Variants in ABI3BP observed in about 807,000 individuals in gnomAD.
ABI3BP encodes the protein ABI family member 3 binding protein.
In ABI3BP, 216 loss-of-function variants were observed where a neutral mutation model predicts 268.6. The observed-to-expected ratio is 0.80, with a 90% CI of 0.72 to 0.90. The LOEUF (loss-of-function observed/expected upper bound fraction) is 0.90, where lower values mean the gene tolerates loss of function less well. Among genes scored for constraint, ABI3BP ranks in the 40% least tolerant of loss-of-function variants. The probability of loss-of-function intolerance (pLI) is 0.00; values close to 1 mark genes in which losing one functional copy is unlikely to be tolerated. For missense variants in ABI3BP, 2,090 were observed against 2,182.4 expected (o/e 0.96, Z 0.84); for synonymous variants, 730 against 730.0 (o/e 1.00, Z 0.00).
intron 3 of ABI3BP, 145 bp downstream of exon 3, chr3:100,902,473 A>C (rs932153089): frequency 1.2e-5 from 8 of 648,656 alleles, no homozygotes; most frequent in Non-Finnish European, 2.1e-5. Context: ...ACTTCTCCAA[A>C]AGGGTAAACT....
At chr3:100,866,800 G>GA (rs1218728039) in intron 10 of ABI3BP, 79 bp downstream of exon 10, 9 of 1,217,598 alleles carry the variant, frequency 7.4e-6, no homozygotes, top group Non-Finnish European at 8.3e-6. Context: ...GCTCTTTACT[G>GA]AAAAAAAGAC....
chr3:100,857,316 GA>G (rs2098951010), intron 14 of ABI3BP, among the ~76,000 whole-genome samples: 1 of 152,162 alleles, frequency 6.6e-6, no homozygotes, highest in Non-Finnish European at 1.5e-5. Context: ...TTAAGGAAAT[GA>G]AAACAAGGCA....
rs1348684022 is a variant in ABI3BP, at chr3:100,789,551, A to G, written c.4025-35T>C. The G allele has an allele frequency of 3.8e-6, 6 of 1,559,026 alleles. No individual in the cohort carries two copies. In the South Asian group the frequency reaches 7.1e-5, roughly 18 times the overall value. On this transcript the variant is annotated intron_variant, in intron 55 of 67. Transcript: ENST00000471714. Reference sequence around the variant, plus strand: ...AGGAACACTTTATATTTAATAACCAACAGACCAAAGCCTCCTGAATGGAGA... The same window carrying G: ...AGGAACACTTTATATTTAATAACCAGCAGACCAAAGCCTCCTGAATGGAGA...
At chr3:100,845,591 A>C (rs1272112577) in intron 20 of ABI3BP, among the ~76,000 whole-genome samples, 1 of 152,184 alleles carries the variant, frequency 6.6e-6, no homozygotes, top group Non-Finnish European at 1.5e-5. Context: ...CAAGTTCAAA[A>C]TCCATTAAAC....
chr3:100,938,155 G>A (rs998879542), intron 1 of ABI3BP, among the ~76,000 whole-genome samples: 1 of 152,008 alleles, frequency 6.6e-6, no homozygotes, highest in African/African-American at 2.4e-5. Flanking sequence ...GAAGAAGGAG[G>A]ATGGGAGGAG....
intron 62 of ABI3BP, among the ~76,000 whole-genome samples, chr3:100,769,287 C>T (rs1469452163): frequency 6.6e-6 from 1 of 152,138 alleles, no homozygotes; most frequent in Non-Finnish European, 1.5e-5. Flanking sequence ...GATCCTTGTC[C>T]ACAAAAATTG....
rs146026372 is a variant in ABI3BP, at chr3:100,888,904, T to C, written c.462-2581A>G. ...TTTTCATTGATTTTAAAACAAAATA[T>C]AGGTCTTATGATAATAAACAGTTCT... On this transcript the variant is annotated intron_variant, in intron 4 of 67. Coordinates refer to ENST00000471714, the MANE Select transcript of ABI3BP (RefSeq NM_001375547.2). Among the ~76,000 whole-genome samples, 372 of 151,786 alleles carry C rather than the reference T, an allele frequency of 2.5e-3. 3 individuals are homozygous for C. Among genetic ancestry groups the C allele is most frequent in the African/African-American group, 8.3e-3 (344 of 41,392 alleles).
In ABI3BP at chr3:100,813,643, AT is replaced by A; in HGVS notation, c.3364+17del. The A allele has an allele frequency of 6.6e-7, 1 of 1,525,578 alleles. No homozygotes were observed. Among genetic ancestry groups the A allele is most frequent in the Non-Finnish European group, 8.8e-7 (1 of 1,137,502 alleles). 94.5% of individuals were successfully genotyped at this position (1,525,578 alleles called of 1,614,324 possible). ...TAAAGCACACAGTATACCCAGACAG[AT>A]AAAACAATCTATTTACCAGGTTGAC... On this transcript the variant is annotated intron_variant, in intron 45 of 67. Transcript: ENST00000471714.
intron 9 of ABI3BP, among the ~76,000 whole-genome samples, chr3:100,874,360 T>C (rs549243493): frequency 6.6e-6 from 1 of 152,326 alleles, no homozygotes; most frequent in South Asian, 2.1e-4. Context: ...GGCCCTTTTT[T>C]AAGTGGATTT....
At chr3:100,817,961 A>G (rs2098108105) in intron 41 of ABI3BP, among the ~76,000 whole-genome samples, 1 of 152,214 alleles carries the variant, frequency 6.6e-6, no homozygotes, top group Non-Finnish European at 1.5e-5. Context: ...CAAAATCTCA[A>G]AGTATTCCTT....
chr3:100,864,894 T>C lies in ABI3BP; in HGVS notation c.1002A>G (p.Thr334=), dbSNP rs763151577. 30 of 1,606,650 alleles carry C rather than the reference T, an allele frequency of 1.9e-5. No homozygotes were observed. The highest frequency in any genetic ancestry group is 2.5e-5 in the Non-Finnish European group (29 of 1,177,382). The change falls in exon 11 of 68, where the codon ACA becomes ACG. Residue 334 remains threonine, a synonymous_variant. Transcript: ENST00000471714. ...TAGTGGGTTTAGTGCTTCTTGGAAC[T>C]GTTTCAGGAGTCACTGAAAGGTAAA... ...SARPTTVTPE[T]VPRSTKPTTS...
At chr3:100,834,659 G>A (rs1311656859) in intron 29 of ABI3BP, 25 bp downstream of exon 29, 3 of 1,532,240 alleles carry the variant, frequency 2.0e-6, no homozygotes, top group Non-Finnish European at 2.6e-6. Context: ...GATGCCACAG[G>A]GACAAGGAAC....
intron 1 of ABI3BP, among the ~76,000 whole-genome samples, chr3:100,958,851 G>A (rs1207108944): frequency 2.0e-5 from 3 of 152,176 alleles, no homozygotes; most frequent in Non-Finnish European, 4.4e-5. Flanking sequence ...AGGACACAAA[G>A]GGAGTTTTTA....
At chr3:100,866,584 C>T (rs954091718) in intron 10 of ABI3BP, among the ~76,000 whole-genome samples, 5 of 152,104 alleles carry the variant, frequency 3.3e-5, no homozygotes, top group Non-Finnish European at 5.9e-5. Flanking sequence ...GAAAGAACAG[C>T]ACCAAACTTG....
rs1418781949 is a variant in ABI3BP, at chr3:100,763,463, C to CAA, written c.4850+2376_4850+2377dup. ...GGGTGACAAGAGCAAGACTCTGTCTCAAAAAAAAAAAAAAGAAAAAAGAAA... is the reference window on the plus strand; with the variant it reads ...GGGTGACAAGAGCAAGACTCTGTCTCAAAAAAAAAAAAAAAAGAAAAAAGAAA... On this transcript the variant is annotated intron_variant, in intron 63 of 67. Coordinates refer to ENST00000471714, the MANE Select transcript of ABI3BP (RefSeq NM_001375547.2). Among the ~76,000 whole-genome samples the CAA allele has an allele frequency of 3.5e-3, 386 of 109,316 alleles. 2 individuals are homozygous for CAA. The highest frequency in any genetic ancestry group is 0.012 in the African/African-American group (357 of 29,814). 71.7% of individuals were successfully genotyped at this position (109,316 alleles called of 152,430 possible).
At chr3:100,767,865 T>C (rs2096355191) in intron 62 of ABI3BP, among the ~76,000 whole-genome samples, 1 of 152,054 alleles carries the variant, frequency 6.6e-6, no homozygotes, top group African/African-American at 2.4e-5. Flanking sequence ...ACTAGAAAAA[T>C]TTTAAGATTC....
At chr3:100,827,320 A>G (rs1251437663) in intron 34 of ABI3BP, among the ~76,000 whole-genome samples, 2 of 152,150 alleles carry the variant, frequency 1.3e-5, no homozygotes, top group Non-Finnish European at 2.9e-5. Flanking sequence ...CTCCTTGTCA[A>G]CCATGAGGGG....
intron 61 of ABI3BP, among the ~76,000 whole-genome samples, chr3:100,772,036 C>A (rs558655917): frequency 3.9e-5 from 6 of 152,106 alleles, no homozygotes; most frequent in Non-Finnish European, 5.9e-5. Flanking sequence ...GTATACAGAA[C>A]AACAAAGATA....
chr3:100,887,804 C>G (rs538947623), intron 4 of ABI3BP, among the ~76,000 whole-genome samples: 1 of 151,916 alleles, frequency 6.6e-6, no homozygotes, highest in Non-Finnish European at 1.5e-5. Context: ...AAGTGTCAAG[C>G]CTAAGCTCTT....
Sources: gnomAD v4.1 joint callset for allele counts (sites outside exome capture counted in the v4.1 genomes callset) on GRCh38, gnomAD v4.1.1 for gene constraint, MANE v1.5 for transcripts, NCBI Gene and HGNC (gene_info 2026-07-23, HGNC 2026-07-21) for gene names.